Variants in CPQ observed in about 807,000 individuals in gnomAD.
CPQ encodes carboxypeptidase Q.
CPQ carries 37 observed loss-of-function variants against 45.7 expected under a neutral mutation model. That is an observed-to-expected ratio of 0.81 (90% CI 0.62 to 1.07). The LOEUF (loss-of-function observed/expected upper bound fraction) is 1.07. Among genes scored for constraint, CPQ ranks in the 50% least tolerant of loss-of-function variants. The probability of loss-of-function intolerance (pLI) is 0.00; values close to 1 mark genes in which losing one functional copy is unlikely to be tolerated. For missense variants in CPQ, 537 were observed against 572.9 expected (o/e 0.94, Z 0.64); for synonymous variants, 186 against 205.8 (o/e 0.90, Z 0.82).
chr8:96,958,567 A>G (rs1408755719), intron 4 of CPQ, among the ~76,000 whole-genome samples: 2 of 152,152 alleles, frequency 1.3e-5, no homozygotes, highest in Non-Finnish European at 2.9e-5. Flanking sequence ...TCATTGTCAA[A>G]TCAATGTTTA....
At chr8:97,113,596 C>G (rs955443405) in intron 7 of CPQ, among the ~76,000 whole-genome samples, 1 of 152,122 alleles carries the variant, frequency 6.6e-6, no homozygotes. Context: ...CTGGAGCAAA[C>G]CTCTGTGGTG....
In CPQ at chr8:97,043,494, A is replaced by G. The variant is rs1036701591; in HGVS notation, c.1053+14000A>G. 3.9e-5 allele frequency among the ~76,000 whole-genome samples: 6 copies of G among 152,134 alleles called. No individual in the cohort carries two copies. The South Asian group carries it at 1.2e-3, about 32-fold the overall frequency. On this transcript the variant is annotated intron_variant, in intron 6 of 7. Transcript: ENST00000220763. ...GAATTTAGTCCATTTACATTTAAAG[A>G]TAATATTGTTATGTGTCAATTTGAT...
chr8:96,767,330 C>T (rs1353568117), intron 1 of CPQ, among the ~76,000 whole-genome samples: 1 of 152,046 alleles, frequency 6.6e-6, no homozygotes, highest in East Asian at 1.9e-4. Flanking sequence ...GGCTTTTTGT[C>T]TTTCCAGTGA....
chr8:97,086,213 T>C (rs1265723949), intron 7 of CPQ, among the ~76,000 whole-genome samples: 1 of 152,210 alleles, frequency 6.6e-6, no homozygotes, highest in African/African-American at 2.4e-5. Flanking sequence ...CAAATTTACC[T>C]GTAATAAAAT....
intron 2 of CPQ, among the ~76,000 whole-genome samples, chr8:96,833,590 G>C (rs1811487953): frequency 6.6e-6 from 1 of 152,130 alleles, no homozygotes. Flanking sequence ...TTTCAGAAAT[G>C]TATGAATCTC....
chr8:96,895,819 G>A (rs1812435134), intron 4 of CPQ, among the ~76,000 whole-genome samples: 1 of 152,078 alleles, frequency 6.6e-6, no homozygotes, highest in East Asian at 1.9e-4. Context: ...CTTAATTTAA[G>A]GTTAAACTAA....
At chr8:96,964,174 A>T (rs1813514048) in intron 4 of CPQ, among the ~76,000 whole-genome samples, 1 of 744 alleles carries the variant, frequency 1.3e-3, no homozygotes, top group Admixed American at 0.025. Context: ...GTTAAAGTAT[A>T]CACACACACA....
intron 1 of CPQ, among the ~76,000 whole-genome samples, chr8:96,762,317 T>C (rs757743511): frequency 6.6e-6 from 1 of 152,144 alleles, no homozygotes; most frequent in Non-Finnish European, 1.5e-5. Flanking sequence ...TGGGTCCAGA[T>C]TGAAGTTATG....
intron 5 of CPQ, among the ~76,000 whole-genome samples, chr8:97,027,320 T>C (rs1015795103): frequency 3.3e-5 from 5 of 152,178 alleles, no homozygotes; most frequent in African/African-American, 1.2e-4. Context: ...CTCCAAGTAC[T>C]CAAAGGCCTT....
chr8:96,841,545 T>TAATC lies in CPQ; in HGVS notation c.641+6367_641+6370dup, dbSNP rs747509059. ...ATAGTTGAACAGGGACTGCGACTTT[T>TAATC]AATCAGCTAAGGAAGCAAAAGACTT... On this transcript the variant is annotated intron_variant, in intron 3 of 7. Transcript: ENST00000220763. Among the ~76,000 whole-genome samples, 9 of 152,352 alleles carry TAATC rather than the reference T, an allele frequency of 5.9e-5. No homozygotes were observed. In the East Asian group the frequency reaches 1.7e-3, roughly 29 times the overall value.
At chr8:97,119,718 A>G (rs1811666102) in intron 7 of CPQ, among the ~76,000 whole-genome samples, 1 of 152,208 alleles carries the variant, frequency 6.6e-6, no homozygotes, top group Non-Finnish European at 1.5e-5. Flanking sequence ...TCGTGACACT[A>G]CATCAAAAGC....
intron 1 of CPQ, among the ~76,000 whole-genome samples, chr8:96,742,625 T>A (rs1265492910): frequency 6.6e-6 from 1 of 152,188 alleles, no homozygotes; most frequent in East Asian, 1.9e-4. Flanking sequence ...GGTTGTTCCT[T>A]TCCATATTTA....
At chr8:97,040,444 T>C (rs1048788566) in intron 6 of CPQ, among the ~76,000 whole-genome samples, 1 of 151,896 alleles carries the variant, frequency 6.6e-6, no homozygotes, top group African/African-American at 2.4e-5. Flanking sequence ...GCCTGTTCAC[T>C]CTGATGGTAG....
intron 5 of CPQ, among the ~76,000 whole-genome samples, chr8:96,974,702 C>T (rs533520207): frequency 6.6e-6 from 1 of 151,976 alleles, no homozygotes; most frequent in Non-Finnish European, 1.5e-5. Context: ...GAAATCAACT[C>T]CAAGAGGAAC....
chr8:97,045,215 C>T (rs915771601), intron 6 of CPQ, among the ~76,000 whole-genome samples: 5 of 152,242 alleles, frequency 3.3e-5, no homozygotes, highest in African/African-American at 9.6e-5. Context: ...CCCAGCCTCG[C>T]TGCCGCCTTG....
chr8:96,649,145 T>A (rs1050065163), intron 1 of CPQ, among the ~76,000 whole-genome samples: 2 of 152,182 alleles, frequency 1.3e-5, no homozygotes, highest in Non-Finnish European at 2.9e-5. Flanking sequence ...CCTGGCTAAT[T>A]TTTTTATTTT....
Position 97,063,213 on chromosome 8 carries a change from C to T in CPQ, c.1054-2796C>T, listed in dbSNP as rs567793095. On this transcript the variant is annotated intron_variant, in intron 6 of 7. Transcript: ENST00000220763. Reference sequence around the variant, plus strand: ...GGTATCTCATTGTGGTTTTGATTTGCATTTCTCTAATGGTCAGTAATATTG... The same window carrying T: ...GGTATCTCATTGTGGTTTTGATTTGTATTTCTCTAATGGTCAGTAATATTG... Among the ~76,000 whole-genome samples the T allele has an allele frequency of 9.9e-5, 15 of 152,234 alleles. 1 individual carries two copies. The South Asian group carries it at 2.5e-3, about 25-fold the overall frequency.
At chr8:97,082,743 C>T (rs1275333286) in intron 7 of CPQ, among the ~76,000 whole-genome samples, 1 of 152,148 alleles carries the variant, frequency 6.6e-6, no homozygotes, top group Non-Finnish European at 1.5e-5. Context: ...ATACCAAGCT[C>T]CCAGCAATCT....
intron 6 of CPQ, among the ~76,000 whole-genome samples, chr8:97,062,624 CCACCATCCACCCTCTGGTAGGTTCCAGTG>C (rs1207009165): frequency 2.0e-4 from 30 of 152,236 alleles, no homozygotes; most frequent in Admixed American, 1.8e-3. Context: ...CTCCCTCCTT[CCACCATCCACCCTCTGGTAGGTTCCAGTG>C]TGTGTTGTTC....
Sources: allele counts gnomAD v4.1 joint callset (sites outside exome capture counted in the v4.1 genomes callset), GRCh38; gene constraint gnomAD v4.1.1; transcripts MANE v1.5; gene names NCBI Gene and HGNC (gene_info 2026-07-23, HGNC 2026-07-21).